The following RPRD2 variants were observed in gnomAD, a reference collection of about 807,000 sequenced individuals.
The protein encoded by RPRD2 is regulation of nuclear pre-mRNA domain-containing protein 2.
Under a neutral mutation model 104.4 loss-of-function variants are expected in RPRD2, and 12 were observed. The observed-to-expected ratio is 0.11, with a 90% CI of 0.07 to 0.19. The LOEUF (loss-of-function observed/expected upper bound fraction) is 0.19. Ranked by LOEUF, RPRD2 falls within the 10% of genes least tolerant of loss-of-function variation. RPRD2 has a pLI of 1.00. For missense variants in RPRD2, 1,543 were observed against 1,790.1 expected, an observed-to-expected ratio of 0.86 and a Z score of 2.49; for synonymous variants, 714 against 684.9, an observed-to-expected ratio of 1.04 and a Z score of -0.66.
At chr1:150,383,379 A>G (rs1431044866) in intron 1 of RPRD2, among the ~76,000 whole-genome samples, 5 of 149,034 alleles carry the variant, frequency 3.4e-5, no homozygotes, top group Admixed American at 1.3e-4. Context: ...CAGTGGCGCA[A>G]TCTTGGCTCA....
intron 2 of RPRD2, among the ~76,000 whole-genome samples, chr1:150,429,424 G>C (rs1183303230): frequency 6.6e-6 from 1 of 151,858 alleles, no homozygotes; most frequent in Admixed American, 6.6e-5. Flanking sequence ...GCACGATCAC[G>C]GCTCACTGCA....
chr1:150,472,112 A>G lies in RPRD2; in HGVS notation c.3164A>G (p.Gln1055Arg), dbSNP rs1668629061. Reference protein sequence around the residue: ...TQPSLTATDQQQQEEHYRIET... With the variant: ...TQPSLTATDQRQQEEHYRIET... ...CCCAGCTTGACCGCCACTGATCAGCAGCAACAAGAAGAGCACTACCGCATA... is the reference window on the plus strand; with the variant it reads ...CCCAGCTTGACCGCCACTGATCAGCGGCAACAAGAAGAGCACTACCGCATA... The change falls in exon 11 of 11, where the codon CAG (glutamine) becomes CGG (arginine). Residue 1055 changes from glutamine to arginine, a missense_variant. Transcript: ENST00000369068. 6.2e-7 allele frequency: 1 copy of G among 1,613,864 alleles called. No homozygotes were observed. The highest frequency in any genetic ancestry group is 8.5e-7 in the Non-Finnish European group (1 of 1,179,904).
intron 1 of RPRD2, among the ~76,000 whole-genome samples, chr1:150,399,714 G>A (rs1033146251): frequency 2.7e-5 from 4 of 150,564 alleles, no homozygotes; most frequent in Non-Finnish European, 1.5e-5. Context: ...CAGAGATCAC[G>A]CCACTGCACT....
rs1667602263 is a variant in RPRD2, at chr1:150,457,310, G to A, written c.893G>A (p.Arg298Gln). 1 of 1,609,920 alleles carries A rather than the reference G, an allele frequency of 6.2e-7. No individual in the cohort carries two copies. Among genetic ancestry groups the A allele is most frequent in the Non-Finnish European group, 8.5e-7 (1 of 1,176,270 alleles). ...VANAYKTFAN[R>Q]VNNLKKKLDQ... ...TAGGCATATAAAACCTTTGCTAACC[G>A]AGTAAACAATTTAAAGAAGAAGTTG... The change falls in exon 8 of 11, where the codon CGA becomes CAA. Residue 298 changes from arginine to glutamine, a missense_variant. This residue lies in a region of RPRD2 where 572 missense variants were observed against 787.3 expected (regional missense o/e 0.73). Coordinates refer to ENST00000369068, the MANE Select transcript of RPRD2 (RefSeq NM_015203.5).
chr1:150,388,520 CACAT>C (rs1553882592), intron 1 of RPRD2, among the ~76,000 whole-genome samples: 2 of 148,170 alleles, frequency 1.3e-5, no homozygotes, highest in Non-Finnish European at 3.0e-5. Flanking sequence ...CACACACACA[CACAT>C]ATATACACCC....
chr1:150,381,281 A>G (rs1553880765), intron 1 of RPRD2, among the ~76,000 whole-genome samples: 1 of 150,888 alleles, frequency 6.6e-6, no homozygotes, highest in African/African-American at 2.4e-5. Flanking sequence ...AAATAGGTAG[A>G]CATGGTGGCG....
chr1:150,399,938 G>T (rs1553884998), intron 1 of RPRD2, among the ~76,000 whole-genome samples: 1 of 151,920 alleles, frequency 6.6e-6, no homozygotes, highest in Non-Finnish European at 1.5e-5. Context: ...AAATAATCCT[G>T]CTGGGATTTT....
chr1:150,383,583 C>T (rs1262790088), intron 1 of RPRD2, among the ~76,000 whole-genome samples: 1 of 152,020 alleles, frequency 6.6e-6, no homozygotes, highest in Non-Finnish European at 1.5e-5. Flanking sequence ...TCCCAACTTG[C>T]TGGGATTACA....
chr1:150,393,055 G>A (rs1010408982), intron 1 of RPRD2, among the ~76,000 whole-genome samples: 1 of 151,942 alleles, frequency 6.6e-6, no homozygotes, highest in Non-Finnish European at 1.5e-5. Context: ...TAAAAATGTG[G>A]CTATATAGAG....
chr1:150,384,689 T>TA (rs1553881495), intron 1 of RPRD2, among the ~76,000 whole-genome samples: 3 of 134,930 alleles, frequency 2.2e-5, no homozygotes, highest in Non-Finnish European at 3.3e-5. Context: ...GTGTTTTTAG[T>TA]AGAGACCAGG....
At chr1:150,405,537 A>C (rs868950613) in intron 1 of RPRD2, among the ~76,000 whole-genome samples, 1 of 152,114 alleles carries the variant, frequency 6.6e-6, no homozygotes, top group African/African-American at 2.4e-5. Flanking sequence ...GATGCTTGGA[A>C]CATGAAGCCG....
At chr1:150,428,578 C>T (rs587700432) in intron 2 of RPRD2, among the ~76,000 whole-genome samples, 3 of 152,140 alleles carry the variant, frequency 2.0e-5, no homozygotes, top group Non-Finnish European at 1.5e-5. Context: ...TTCCCTGTCT[C>T]GAGCTATTCT....
intron 2 of RPRD2, among the ~76,000 whole-genome samples, chr1:150,435,418 G>A (rs1572470601): frequency 6.6e-6 from 1 of 152,150 alleles, no homozygotes; most frequent in African/African-American, 2.4e-5. Context: ...GCCAAGATAG[G>A]CTGAAAGCTA....
chr1:150,378,999 AGG>A (rs1660924379), intron 1 of RPRD2, among the ~76,000 whole-genome samples: 1 of 146,308 alleles, frequency 6.8e-6, no homozygotes. Context: ...AAAAAAAAAA[AGG>A]CCCAGCTGAA....
intron 1 of RPRD2, among the ~76,000 whole-genome samples, chr1:150,387,621 C>T (rs1661685866): frequency 2.6e-5 from 2 of 76,464 alleles, no homozygotes; most frequent in Admixed American, 2.2e-4. Flanking sequence ...GACGGAGTTT[C>T]ACTCTTGTCA....
intron 3 of RPRD2, 161 bp from the exon 4 acceptor site, chr1:150,441,720 G>A: frequency 1.9e-6 from 1 of 526,186 alleles, no homozygotes; most frequent in Non-Finnish European, 3.4e-6. Context: ...TCTTAGATCG[G>A]GTAGGAATTT....
intron 1 of RPRD2, among the ~76,000 whole-genome samples, chr1:150,373,430 G>A (rs2102093438): frequency 6.6e-6 from 1 of 151,556 alleles, no homozygotes; most frequent in East Asian, 1.9e-4. Flanking sequence ...GCCAGCGGAA[G>A]TGATAAGTAA....
chr1:150,437,884 CTT>C (rs1168439033), intron 2 of RPRD2, among the ~76,000 whole-genome samples: 1 of 150,364 alleles, frequency 6.7e-6, no homozygotes, highest in Non-Finnish European at 1.5e-5. Flanking sequence ...CCAGCCTAAA[CTT>C]TACAATTTTC....
chr1:150,429,013 A>G (rs1347217531), intron 2 of RPRD2, among the ~76,000 whole-genome samples: 1 of 152,094 alleles, frequency 6.6e-6, no homozygotes, highest in Non-Finnish European at 1.5e-5. Flanking sequence ...AAATCAAAGA[A>G]GAAAAGGTTA....
Sources: allele counts gnomAD v4.1 joint callset (sites outside exome capture counted in the v4.1 genomes callset), GRCh38; gene constraint gnomAD v4.1.1; regional missense constraint gnomAD v4.1.1; transcripts MANE v1.5; gene names NCBI Gene and HGNC (gene_info 2026-07-23, HGNC 2026-07-21).